RNF214: variants seen among roughly 807,000 people sequenced by gnomAD.
The protein encoded by RNF214 is ring finger protein 214.
RNF214 carries 25 observed loss-of-function variants against 75.9 expected under a neutral mutation model. The ratio of observed to expected loss-of-function variants is 0.33; its 90% confidence interval spans 0.24 to 0.46. The LOEUF (loss-of-function observed/expected upper bound fraction) is 0.46. Ranked by LOEUF, RNF214 falls within the 20% of genes least tolerant of loss-of-function variation. The pLI is 1.00. For missense variants in RNF214, 725 were observed against 857.5 expected (o/e 0.85, Z 1.93); for synonymous variants, 314 against 308.8 (o/e 1.02, Z -0.18).
At chr11:117,259,847 T>C (rs1465741361) in intron 6 of RNF214, among the ~76,000 whole-genome samples, 1 of 152,188 alleles carries the variant, frequency 6.6e-6, no homozygotes, top group Non-Finnish European at 1.5e-5. Flanking sequence ...ATATGTTATG[T>C]AAAAATTTTC....
At chr11:117,263,346 G>A (rs1055787879) in intron 6 of RNF214, among the ~76,000 whole-genome samples, 2 of 151,122 alleles carry the variant, frequency 1.3e-5, no homozygotes, top group Non-Finnish European at 2.9e-5. Context: ...TGCAGTCTCG[G>A]CTCACTGCAA....
intron 2 of RNF214, among the ~76,000 whole-genome samples, chr11:117,234,761 CTT>C (rs1414013654): frequency 2.0e-5 from 3 of 152,262 alleles, no homozygotes; most frequent in African/African-American, 7.2e-5. Flanking sequence ...ATTACCCAAA[CTT>C]ATATCTCATA....
rs1291710251 is a variant in RNF214, at chr11:117,274,354, TTC to T, written c.960-5552_960-5551del. Among the ~76,000 whole-genome samples the T allele has an allele frequency of 5.6e-4, 62 of 110,036 alleles. 2 individuals carry two copies. The highest frequency in any genetic ancestry group is 2.0e-3 in the African/African-American group (51 of 25,366). 72.2% of individuals were successfully genotyped at this position (110,036 alleles called of 152,430 possible). A position where few individuals can be genotyped will look rare whatever the true frequency, so the allele number is the denominator to read the frequency against. ...CCCTAGTACTGGGAAAACAAATGAC[TTC>T]TTTTTTTTTTTTTTTTTTTTTTTGA... On this transcript the variant is annotated intron_variant, in intron 6 of 14. Transcript: ENST00000300650.
At chr11:117,237,086 A>G (rs1188369841) in intron 2 of RNF214, among the ~76,000 whole-genome samples, 1 of 152,092 alleles carries the variant, frequency 6.6e-6, no homozygotes, top group Non-Finnish European at 1.5e-5. Context: ...GAGTGTTTTT[A>G]TTAATATTAT....
chr11:117,251,738 G>C (rs940157545), intron 6 of RNF214, among the ~76,000 whole-genome samples: 2 of 152,148 alleles, frequency 1.3e-5, no homozygotes, highest in African/African-American at 4.8e-5. Context: ...GTGAAGTGGG[G>C]GAGTGAGGCC....
chr11:117,281,705 G>A lies in RNF214; in HGVS notation c.1335+7G>A. On this transcript the variant is annotated splice_region_variant and intron_variant, in intron 10 of 14. Coordinates refer to ENST00000300650, the MANE Select transcript of RNF214 (RefSeq NM_207343.4). ...ACCTCCACCCCCATCAGAGGTAAGA[G>A]AGTGGCTTTGGGGGGAAGTTCACCT... 1 of 1,603,200 alleles carries A rather than the reference G, an allele frequency of 6.2e-7. No homozygotes were observed.
intron 6 of RNF214, among the ~76,000 whole-genome samples, chr11:117,271,091 G>A (rs1052218404): frequency 6.6e-6 from 1 of 151,724 alleles, no homozygotes; most frequent in East Asian, 1.9e-4. Context: ...GTAGAGACAG[G>A]TTTTTGCCAT....
rs1397851055 is a variant in RNF214 at position 117,282,151 on chromosome 11, C to T, written c.1593C>T (p.Ile531=). The change falls in exon 11 of 15, where the codon ATC becomes ATT. Residue 531 remains isoleucine (I), a synonymous_variant. Transcript: ENST00000300650. ...CACACATGCCCCCTGCCGCCTCCAT[C>T]CCACCTCCCCCAGGCTTGGGCGGTG... The part of the protein sequence containing the change: ...HGPHMPPAAS[I]PPPPGLGGVK... 6.2e-7 allele frequency: 1 copy of T among 1,613,928 alleles called. No individual in the cohort carries two copies. Among genetic ancestry groups the T allele is most frequent in the Non-Finnish European group, 8.5e-7 (1 of 1,179,948 alleles).
chr11:117,239,678 TGGAAGCTGGTAAGG>T, intron 3 of RNF214, 109 bp from the exon 4 acceptor site: 2 of 672,378 alleles, frequency 3.0e-6, no homozygotes, highest in Non-Finnish European at 5.4e-6. Context: ...TTAGCTTGCT[TGGAAGCTGGTAAGG>T]GGAAAGAGTA....
chr11:117,261,728 C>T (rs2033666585), intron 6 of RNF214, among the ~76,000 whole-genome samples: 1 of 152,068 alleles, frequency 6.6e-6, no homozygotes, highest in Non-Finnish European at 1.5e-5. Flanking sequence ...TCACTGCAGC[C>T]TCCGCCTCCT....
At chr11:117,276,723 G>A (rs781190209) in intron 6 of RNF214, among the ~76,000 whole-genome samples, 99 of 152,318 alleles carry the variant, frequency 6.5e-4, no homozygotes, top group Middle Eastern at 3.4e-3. Flanking sequence ...TTTTGTTTGT[G>A]AATATGTGGA....
intron 5 of RNF214, among the ~76,000 whole-genome samples, chr11:117,245,249 G>C (rs1268523599): frequency 6.6e-6 from 1 of 151,154 alleles, no homozygotes; most frequent in Admixed American, 6.6e-5. Flanking sequence ...AACCCAGGAG[G>C]CAGAGGTTGC....
chr11:117,247,040 T>G (rs1328065604), intron 6 of RNF214, 92 bp downstream of exon 6: 1 of 1,082,412 alleles, frequency 9.2e-7, no homozygotes, highest in African/African-American at 1.6e-5. Context: ...TCCCTTCGGT[T>G]TAATTTTTAT....
intron 5 of RNF214, among the ~76,000 whole-genome samples, chr11:117,245,686 T>A (rs759394497): frequency 6.6e-5 from 10 of 152,128 alleles, no homozygotes; most frequent in South Asian, 4.1e-4. Flanking sequence ...ATTAGATACA[T>A]CCATATGTTA....
chr11:117,242,717 G>A (rs1463758412), intron 4 of RNF214, among the ~76,000 whole-genome samples: 1 of 152,190 alleles, frequency 6.6e-6, no homozygotes, highest in Admixed American at 6.5e-5. Flanking sequence ...GCCGAACGTG[G>A]TGGCGGGTGC....
chr11:117,265,705 G>A (rs1482470631), intron 6 of RNF214, among the ~76,000 whole-genome samples: 5 of 152,202 alleles, frequency 3.3e-5, no homozygotes, highest in East Asian at 1.9e-4. Context: ...GTGAGCCACC[G>A]CGCCTGGCCA....
intron 5 of RNF214, among the ~76,000 whole-genome samples, chr11:117,246,150 A>C (rs2033219716): frequency 6.6e-6 from 1 of 151,700 alleles, no homozygotes; most frequent in Non-Finnish European, 1.5e-5. Flanking sequence ...ATTTTTTGTG[A>C]GACAAGATCT....
chr11:117,247,077 C>T, intron 6 of RNF214, 129 bp downstream of exon 6: 2 of 715,006 alleles, frequency 2.8e-6, no homozygotes, highest in South Asian at 3.7e-5. Context: ...CAAGTAAAAA[C>T]TCTCCAATGA....
In RNF214 at chr11:117,281,605, A is replaced by G; in HGVS notation, c.1242A>G (p.Gln414=). 1 of 1,609,342 alleles carries G rather than the reference A, an allele frequency of 6.2e-7. No homozygotes were observed. Among genetic ancestry groups the G allele is most frequent in the African/African-American group, 1.3e-5 (1 of 74,630 alleles). ...VRIMKKNVRD[Q]FNSHIQLVRN... The stretch of plus-strand genomic sequence containing the variant: ...ATAATCCTTTTTTTTTTTAGGACCA[A>G]TTTAATAGTCATATCCAGTTAGTGA... The change falls in exon 10 of 15, where the codon CAA becomes CAG. Residue 414 remains glutamine, a synonymous_variant. Coordinates refer to ENST00000300650, the MANE Select transcript of RNF214 (RefSeq NM_207343.4).
Sources: gnomAD v4.1 joint callset for allele counts (sites outside exome capture counted in the v4.1 genomes callset) on GRCh38, gnomAD v4.1.1 for gene constraint, MANE v1.5 for transcripts, NCBI Gene and HGNC (gene_info 2026-07-23, HGNC 2026-07-21) for gene names.